The following PPP3CB variants were observed in gnomAD, a reference collection of about 807,000 sequenced individuals.
PPP3CB encodes the protein protein phosphatase 3 catalytic subunit beta.
In PPP3CB, 8 loss-of-function variants were observed where a neutral mutation model predicts 66.4. That is an observed-to-expected ratio of 0.12 (90% CI 0.07 to 0.22). PPP3CB has a LOEUF of 0.22. PPP3CB is among the 10% of genes least tolerant of loss of function. PPP3CB has a pLI of 1.00. For missense variants in PPP3CB, 319 were observed against 642.5 expected (o/e 0.50, Z 5.44); for synonymous variants, 208 against 221.2 (o/e 0.94, Z 0.53).
At chr10:73,480,402 T>A (rs1030541384) in intron 1 of PPP3CB, among the ~76,000 whole-genome samples, 1 of 152,014 alleles carries the variant, frequency 6.6e-6, no homozygotes, top group Non-Finnish European at 1.5e-5. Flanking sequence ...ACTTTTTGCA[T>A]ATGTGTAAAA....
chr10:73,490,923 C>T (rs11000683), intron 1 of PPP3CB, among the ~76,000 whole-genome samples: 1 of 151,678 alleles, frequency 6.6e-6, no homozygotes, highest in African/African-American at 2.4e-5. Flanking sequence ...GCCTCCACTT[C>T]TCAGGTTCAA....
chr10:73,481,857 C>T (rs2056885110), intron 1 of PPP3CB, among the ~76,000 whole-genome samples: 2 of 151,196 alleles, frequency 1.3e-5, no homozygotes, highest in Admixed American at 6.6e-5. Context: ...GTTTATTTTC[C>T]CTTCACAAGA....
At chr10:73,457,648 G>T (rs903433800) in intron 9 of PPP3CB, among the ~76,000 whole-genome samples, 8 of 151,440 alleles carry the variant, frequency 5.3e-5, no homozygotes, top group Admixed American at 1.3e-4. Flanking sequence ...TGAAGCAGGA[G>T]AATCGCTTGA....
At chr10:73,484,229 G>C (rs1468695607) in intron 1 of PPP3CB, among the ~76,000 whole-genome samples, 1 of 152,002 alleles carries the variant, frequency 6.6e-6, no homozygotes, top group African/African-American at 2.4e-5. Context: ...GCTTTTTAAA[G>C]GTTTTGCTTT....
At chr10:73,460,696 T>C (rs746878809) in intron 9 of PPP3CB, among the ~76,000 whole-genome samples, 15 of 152,206 alleles carry the variant, frequency 9.9e-5, no homozygotes, top group South Asian at 2.1e-4. Context: ...ATCATAGGCC[T>C]AGAGGCCTAG....
intron 1 of PPP3CB, among the ~76,000 whole-genome samples, chr10:73,485,390 C>T (rs1488216958): frequency 6.6e-6 from 1 of 152,108 alleles, no homozygotes; most frequent in African/African-American, 2.4e-5. Flanking sequence ...GGCAAGGAAA[C>T]CTGAGAATTA....
At chr10:73,452,941 G>T (rs1212289163) in intron 10 of PPP3CB, among the ~76,000 whole-genome samples, 2 of 152,140 alleles carry the variant, frequency 1.3e-5, no homozygotes, top group African/African-American at 4.8e-5. Context: ...TGTAAGTAAA[G>T]AAATTTCTAA....
chr10:73,464,173 C>T (rs2056578383), intron 9 of PPP3CB, among the ~76,000 whole-genome samples: 1 of 152,170 alleles, frequency 6.6e-6, no homozygotes, highest in African/African-American at 2.4e-5. Context: ...GATGATCCAC[C>T]CACCTCAGCC....
chr10:73,478,149 T>A (rs191207370), intron 3 of PPP3CB, among the ~76,000 whole-genome samples: 1 of 152,282 alleles, frequency 6.6e-6, no homozygotes, highest in East Asian at 1.9e-4. Flanking sequence ...TCAGACAGAA[T>A]TCAAGTAATC....
chr10:73,488,519 C>A (rs1164104320), intron 1 of PPP3CB, among the ~76,000 whole-genome samples: 1 of 146,862 alleles, frequency 6.8e-6, no homozygotes, highest in Admixed American at 6.9e-5. Context: ...GCACTACAGC[C>A]TGGGTGACAG....
chr10:73,448,617 C>T, intron 10 of PPP3CB: 1 of 532,774 alleles, frequency 1.9e-6, no homozygotes, highest in Non-Finnish European at 3.8e-6. Flanking sequence ...ATGAAGATAA[C>T]TTATGAAGTC....
chr10:73,454,546 C>A, intron 9 of PPP3CB, 57 bp from the exon 10 acceptor site: 2 of 1,109,296 alleles, frequency 1.8e-6, no homozygotes, highest in Non-Finnish European at 2.7e-6. Flanking sequence ...TCTATACATA[C>A]ACATAGCAAC....
rs2056090990 is a variant in PPP3CB, at chr10:73,437,824, ATC to A, written c.*416_*417del. On this transcript the variant is annotated 3_prime_UTR_variant, in exon 14 of 14. Transcript: ENST00000360663. ...ATGTATTTTAAGACCATGCTAATTC[ATC>A]CTTTAAAGACATTTCATGGAAAAAG... The A allele has an allele frequency of 6.4e-6, 1 of 156,148 alleles. No homozygotes were observed. 9.7% of individuals were successfully genotyped at this position (156,148 alleles called of 1,614,324 possible).
chr10:73,469,291 G>C (rs1209821635), intron 8 of PPP3CB, among the ~76,000 whole-genome samples: 1 of 152,122 alleles, frequency 6.6e-6, no homozygotes, highest in Non-Finnish European at 1.5e-5. Flanking sequence ...GCCTATAATC[G>C]CAGCACTTTG....
chr10:73,439,754 AGT>A (rs1276811370), intron 13 of PPP3CB, 116 bp downstream of exon 13: 6 of 1,109,860 alleles, frequency 5.4e-6, no homozygotes, highest in Non-Finnish European at 7.8e-6. Flanking sequence ...TTGATGAATC[AGT>A]GAGTCTGATT....
chr10:73,495,607 G>A (rs1008635178), intron 1 of PPP3CB, 198 bp downstream of exon 1: 3 of 731,898 alleles, frequency 4.1e-6, no homozygotes, highest in Non-Finnish European at 5.7e-6. Context: ...CGGCCTGAAA[G>A]CAACCGGGAG....
chr10:73,483,065 C>T (rs766875148), intron 1 of PPP3CB, among the ~76,000 whole-genome samples: 4 of 152,190 alleles, frequency 2.6e-5, no homozygotes, highest in South Asian at 2.1e-4. Context: ...CATGTTTTCA[C>T]GCACACTGTG....
chr10:73,450,169 TC>T (rs1037976399), intron 10 of PPP3CB, among the ~76,000 whole-genome samples: 10 of 152,170 alleles, frequency 6.6e-5, no homozygotes, highest in Admixed American at 3.9e-4. Flanking sequence ...CCGCTCTCTT[TC>T]CCCAAAGAAA....
intron 10 of PPP3CB, among the ~76,000 whole-genome samples, chr10:73,451,730 C>T (rs2056347405): frequency 6.7e-6 from 1 of 150,202 alleles, no homozygotes; most frequent in African/African-American, 2.4e-5. Context: ...CATAGGGAAA[C>T]CTCACTCATC....
Sources: allele counts gnomAD v4.1 joint callset (sites outside exome capture counted in the v4.1 genomes callset), GRCh38; gene constraint gnomAD v4.1.1; transcripts MANE v1.5; gene names NCBI Gene and HGNC (gene_info 2026-07-23, HGNC 2026-07-21).